The following NCK2 variants were observed in gnomAD, a reference collection of about 807,000 sequenced individuals.
The protein encoded by NCK2 is cytoplasmic protein NCK2.
A neutral mutation model predicts 33.9 loss-of-function variants in NCK2; 16 were observed. The ratio of observed to expected loss-of-function variants is 0.47; its 90% CI spans 0.32 to 0.72. The LOEUF (loss-of-function observed/expected upper bound fraction) is 0.72. Ranked by LOEUF, NCK2 falls within the 30% of genes least tolerant of loss-of-function variation. The pLI is 0.03. For missense variants in NCK2, 418 were observed against 537.3 expected (o/e 0.78, Z 2.19); for synonymous variants, 273 against 239.9 (o/e 1.14, Z -1.27).
At chr2:105,814,195 G>A (rs75500612) in intron 1 of NCK2, among the ~76,000 whole-genome samples, 2,648 of 152,306 alleles carry the variant, frequency 0.017, 40 homozygotes, top group Non-Finnish European at 0.021. Flanking sequence ...TTAAACTTGG[G>A]CAGTCTTCAT....
At chr2:105,844,739 C>CG (rs1247087422) in intron 2 of NCK2, among the ~76,000 whole-genome samples, 63 of 71,006 alleles carry the variant, frequency 8.9e-4, no homozygotes, top group African/African-American at 2.5e-3. Flanking sequence ...TGTCTTGGGG[C>CG]GGGGGGGGAT....
intron 2 of NCK2, among the ~76,000 whole-genome samples, chr2:105,817,404 A>C (rs1381294645): frequency 6.6e-6 from 1 of 152,222 alleles, no homozygotes; most frequent in Non-Finnish European, 1.5e-5. Context: ...TAAGACATTT[A>C]ACTTAAAATA....
At chr2:105,754,137 G>C (rs1689536842) in intron 1 of NCK2, among the ~76,000 whole-genome samples, 1 of 152,198 alleles carries the variant, frequency 6.6e-6, no homozygotes, top group Non-Finnish European at 1.5e-5. Context: ...TTTCAGAGGG[G>C]CTGCAATTTG....
intron 1 of NCK2, among the ~76,000 whole-genome samples, chr2:105,773,720 G>A (rs965923766): frequency 3.9e-5 from 6 of 152,108 alleles, no homozygotes. Context: ...CACCTACTCT[G>A]AGCCAGGTGC....
At chr2:105,782,570 A>G (rs1040639970) in intron 1 of NCK2, among the ~76,000 whole-genome samples, 3 of 152,218 alleles carry the variant, frequency 2.0e-5, no homozygotes, top group African/African-American at 7.2e-5. Flanking sequence ...AACTCCATGC[A>G]TAGGTAGTAT....
At chr2:105,769,558 G>A (rs1408355817) in intron 1 of NCK2, among the ~76,000 whole-genome samples, 1 of 152,230 alleles carries the variant, frequency 6.6e-6, no homozygotes, top group Non-Finnish European at 1.5e-5. Flanking sequence ...CACAGTAGAA[G>A]TTAGGCATCC....
At chr2:105,832,286 C>T (rs893368633) in intron 2 of NCK2, among the ~76,000 whole-genome samples, 4 of 152,248 alleles carry the variant, frequency 2.6e-5, no homozygotes, top group East Asian at 1.9e-4. Context: ...TGGAATTTTC[C>T]GTTTTCTTTT....
At chr2:105,835,423 A>ATATTTT (rs59154186) in intron 2 of NCK2, among the ~76,000 whole-genome samples, 21 of 102,098 alleles carry the variant, frequency 2.1e-4, no homozygotes, top group South Asian at 7.2e-4. Context: ...ATATATATAT[A>ATATTTT]TTTTTTTTTT....
chr2:105,771,015 C>T (rs1043437633), intron 1 of NCK2, among the ~76,000 whole-genome samples: 11 of 152,044 alleles, frequency 7.2e-5, no homozygotes, highest in African/African-American at 1.2e-4. Flanking sequence ...CTCTGCCTCC[C>T]GGGTTCACGC....
At chr2:105,825,403 G>A (rs575100773) in intron 2 of NCK2, among the ~76,000 whole-genome samples, 5 of 152,034 alleles carry the variant, frequency 3.3e-5, no homozygotes, top group Non-Finnish European at 7.4e-5. Context: ...TCCTTACAGC[G>A]AGCTGACCCT....
chr2:105,857,815 G>A (rs1302924125), intron 3 of NCK2, among the ~76,000 whole-genome samples: 1 of 152,170 alleles, frequency 6.6e-6, no homozygotes, highest in Non-Finnish European at 1.5e-5. Context: ...AAGGGATGTT[G>A]TTATCTCAGC....
intron 1 of NCK2, among the ~76,000 whole-genome samples, chr2:105,749,801 G>A (rs1425877431): frequency 2.0e-5 from 3 of 152,038 alleles, no homozygotes; most frequent in African/African-American, 7.3e-5. Context: ...ACCCTGGAAA[G>A]CCTCCTCAAG....
chr2:105,744,879 G>A, upstream of NCK2: 1 of 161,010 alleles, frequency 6.2e-6, no homozygotes, highest in Non-Finnish European at 1.3e-5. Flanking sequence ...CGCCGCCGCC[G>A]CCGCCGCCGC....
chr2:105,836,450 G>C (rs1676441354), intron 2 of NCK2, among the ~76,000 whole-genome samples: 1 of 152,140 alleles, frequency 6.6e-6, no homozygotes, highest in African/African-American at 2.4e-5. Context: ...GCGTGGTGTG[G>C]CTTTACTGAA....
At position 105,758,464 on chromosome 2, in the gene NCK2, G is replaced by A. The variant is rs563260116; in HGVS notation, c.-201+13326G>A. On this transcript the variant is annotated intron_variant, in intron 1 of 4. Transcript: ENST00000233154. Reference sequence around the variant, plus strand: ...CTCGCTCTGTCACCCATGCTGGAGTGCAGTCGCTTGATCTCGGCTCACTGC... The same window carrying A: ...CTCGCTCTGTCACCCATGCTGGAGTACAGTCGCTTGATCTCGGCTCACTGC... Among the ~76,000 whole-genome samples the A allele has an allele frequency of 1.8e-4, 27 of 146,206 alleles. No homozygotes were observed. In the East Asian group the frequency reaches 4.6e-3, roughly 25 times the overall value.
At chr2:105,800,762 TA>T (rs1182207800) in intron 1 of NCK2, among the ~76,000 whole-genome samples, 1 of 152,150 alleles carries the variant, frequency 6.6e-6, no homozygotes, top group Non-Finnish European at 1.5e-5. Flanking sequence ...TTTTGTTTGT[TA>T]AAAAGAAGAA....
chr2:105,866,617 G>A (rs1677775062), intron 3 of NCK2, among the ~76,000 whole-genome samples: 1 of 152,330 alleles, frequency 6.6e-6, no homozygotes, highest in South Asian at 2.1e-4. Context: ...TTGCGCTCCT[G>A]TGAGAATCTA....
chr2:105,850,868 CTCTT>C (rs748646636), intron 2 of NCK2, among the ~76,000 whole-genome samples: 4 of 152,128 alleles, frequency 2.6e-5, no homozygotes, highest in South Asian at 2.1e-4. Flanking sequence ...CATCTGCAGT[CTCTT>C]TCTGTTCAAA....
At chr2:105,788,176 A>C (rs1690747775) in intron 1 of NCK2, among the ~76,000 whole-genome samples, 2 of 152,200 alleles carry the variant, frequency 1.3e-5, no homozygotes, top group Admixed American at 6.5e-5. Context: ...AATTCTAGAT[A>C]AGTTTTTTCA....
Sources: allele counts gnomAD v4.1 joint callset (sites outside exome capture counted in the v4.1 genomes callset), GRCh38; gene constraint gnomAD v4.1.1; transcripts MANE v1.5; gene names NCBI Gene and HGNC (gene_info 2026-07-23, HGNC 2026-07-21).